The following CLEC16A variants were observed in gnomAD, a reference collection of about 807,000 sequenced individuals.
The protein encoded by CLEC16A is protein CLEC16A.
In CLEC16A, 51 loss-of-function variants were observed where a neutral mutation model predicts 109.5. The observed-to-expected ratio is 0.47, with a 90% CI of 0.37 to 0.59. CLEC16A has a LOEUF of 0.59. Ranked by LOEUF, CLEC16A falls within the 20% of genes least tolerant of loss-of-function variation. The pLI, the probability that CLEC16A is intolerant of heterozygous loss-of-function variation, is 0.00. For synonymous variants in CLEC16A, 673 were observed against 564.2 expected, an observed-to-expected ratio of 1.19 and a Z score of -2.73; for missense variants, 1,339 against 1,394.0, an observed-to-expected ratio of 0.96 and a Z score of 0.63.
chr16:11,033,840 G>C (rs375269033), intron 13 of CLEC16A, among the ~76,000 whole-genome samples: 2 of 152,254 alleles, frequency 1.3e-5, no homozygotes, highest in South Asian at 2.1e-4. Context: ...TTGTGATTCA[G>C]TTGGGCCACA....
intron 19 of CLEC16A, among the ~76,000 whole-genome samples, chr16:11,111,658 C>A (rs989504372): frequency 6.6e-6 from 1 of 152,196 alleles, no homozygotes; most frequent in Admixed American, 6.5e-5. Context: ...TGTGCTGTTA[C>A]ACCAAGGAGA....
At chr16:11,109,898 A>G (rs1178002463) in intron 19 of CLEC16A, among the ~76,000 whole-genome samples, 5 of 152,240 alleles carry the variant, frequency 3.3e-5, no homozygotes. Context: ...GTTGGATTTC[A>G]AAGCCTTGGA....
chr16:10,982,383 G>C (rs751670918), intron 9 of CLEC16A, among the ~76,000 whole-genome samples: 8 of 152,206 alleles, frequency 5.3e-5, no homozygotes, highest in South Asian at 2.1e-4. Context: ...CACAGGGTCA[G>C]AGCTCCCTCC....
At chr16:11,027,533 C>T in intron 13 of CLEC16A, 5 of 1,565,224 alleles carry the variant, frequency 3.2e-6, no homozygotes, top group Non-Finnish European at 3.5e-6. Context: ...TGACAGACAA[C>T]ACAGTGATTG....
At chr16:10,966,188 T>C (rs1163634735) in intron 3 of CLEC16A, among the ~76,000 whole-genome samples, 1 of 152,122 alleles carries the variant, frequency 6.6e-6, no homozygotes, top group Non-Finnish European at 1.5e-5. Flanking sequence ...AATGTACTAC[T>C]ATATAGCAAA....
intron 16 of CLEC16A, among the ~76,000 whole-genome samples, chr16:11,047,010 ATAG>A: frequency 6.7e-6 from 1 of 149,008 alleles, no homozygotes; most frequent in Non-Finnish European, 1.5e-5. Flanking sequence ...TTAATCCTAC[ATAG>A]TAGTTTTTTT....
rs1410025411 is a variant in CLEC16A, at chr16:11,003,433, C to A, written c.1303+128C>A. 2.5e-5 allele frequency: 18 copies of A among 711,946 alleles called. No homozygotes were observed. In the East Asian group the frequency reaches 4.9e-4, roughly 19 times the overall value. 44.1% of individuals were successfully genotyped at this position (711,946 alleles called of 1,614,324 possible). On this transcript the variant is annotated intron_variant, in intron 11 of 23. Transcript: ENST00000409790. Reference sequence around the variant, plus strand: ...TGTCCAGCCAGTGATTCGATTCCTACCTCACACTGGCGTACCTCATTCTAT... The same window carrying A: ...TGTCCAGCCAGTGATTCGATTCCTAACTCACACTGGCGTACCTCATTCTAT...
At chr16:11,069,893 G>T (rs1205217728) in intron 19 of CLEC16A, among the ~76,000 whole-genome samples, 1 of 152,192 alleles carries the variant, frequency 6.6e-6, no homozygotes, top group Non-Finnish European at 1.5e-5. Context: ...TGTGTGGTAG[G>T]ATGTGCATAG....
intron 6 of CLEC16A, among the ~76,000 whole-genome samples, 177 bp downstream of exon 6, chr16:10,972,736 T>G (rs2042853793): frequency 6.6e-6 from 1 of 152,170 alleles, no homozygotes; most frequent in Admixed American, 6.5e-5. Context: ...TAAAATATCA[T>G]AAGAACTGCC....
intron 11 of CLEC16A, among the ~76,000 whole-genome samples, chr16:11,012,067 A>G (rs2045454071): frequency 6.6e-6 from 1 of 152,304 alleles, no homozygotes; most frequent in East Asian, 1.9e-4. Flanking sequence ...TAGAGGATAT[A>G]TAGCTGAGCA....
intron 20 of CLEC16A, among the ~76,000 whole-genome samples, chr16:11,121,388 A>G (rs2052398873): frequency 6.6e-6 from 1 of 152,184 alleles, no homozygotes; most frequent in Non-Finnish European, 1.5e-5. Flanking sequence ...CTAGGCAGAT[A>G]CCAAGAAGCT....
chr16:11,094,311 C>A (rs1246698453), intron 19 of CLEC16A, among the ~76,000 whole-genome samples: 1 of 152,224 alleles, frequency 6.6e-6, no homozygotes. Flanking sequence ...CTCAGAAGCT[C>A]TGCGCCTGTC....
intron 8 of CLEC16A, among the ~76,000 whole-genome samples, chr16:10,978,707 T>G (rs1252642359): frequency 6.6e-6 from 1 of 152,208 alleles, no homozygotes; most frequent in African/African-American, 2.4e-5. Context: ...CGCCTTAGCT[T>G]TACCAGAGGC....
intron 22 of CLEC16A, among the ~76,000 whole-genome samples, chr16:11,144,844 A>G (rs74759189): frequency 1.0e-3 from 159 of 152,252 alleles, no homozygotes; most frequent in Middle Eastern, 3.4e-3. Context: ...GGAGAGGCCA[A>G]TTCCACAAAG....
At chr16:11,055,702 C>G (rs2048179647) in intron 18 of CLEC16A, among the ~76,000 whole-genome samples, 2 of 146,130 alleles carry the variant, frequency 1.4e-5, no homozygotes, top group Admixed American at 1.4e-4. Context: ...ATTCTCCTGC[C>G]TCAGCCTCTA....
chr16:11,080,943 G>A (rs1003822517), intron 19 of CLEC16A, among the ~76,000 whole-genome samples: 4 of 152,244 alleles, frequency 2.6e-5, no homozygotes. Flanking sequence ...CAGGTTCCAG[G>A]GATTAGGTCG....
intron 22 of CLEC16A, among the ~76,000 whole-genome samples, chr16:11,137,817 G>C (rs1423959068): frequency 2.0e-5 from 3 of 151,938 alleles, no homozygotes; most frequent in Non-Finnish European, 4.4e-5. Flanking sequence ...TCAAAAAAAA[G>C]GGAAATGCAA....
chr16:11,134,538 A>C (rs1227771527), intron 22 of CLEC16A, among the ~76,000 whole-genome samples: 2 of 152,168 alleles, frequency 1.3e-5, no homozygotes, highest in Non-Finnish European at 2.9e-5. Context: ...GCATTGGTGC[A>C]GGTTGAATAT....
chr16:11,178,314 G>A lies in CLEC16A; in HGVS notation c.2807-21G>A, dbSNP rs375303241. ...TGTCTCAAGGGCTCAGTGTGTTTCC[G>A]GTTTTTCTCCCCCAATCCAGATGCC... is the stretch of plus-strand genomic sequence containing the variant. On this transcript the variant is annotated intron_variant, in intron 23 of 23. Transcript: ENST00000409790. This position sits in a 1 kb window ranked among gnomAD's most constrained non-coding sequence, Gnocchi z 6.5. 14 of 1,585,866 alleles carry A rather than the reference G, an allele frequency of 8.8e-6. 1 individual carries two copies. In the South Asian group the frequency reaches 9.1e-5, roughly 10 times the overall value.
Sources: gnomAD v4.1 joint callset for allele counts (sites outside exome capture counted in the v4.1 genomes callset) on GRCh38, gnomAD v4.1.1 for gene constraint, Gnocchi (gnomAD v3.1) non-coding constraint, MANE v1.5 for transcripts, NCBI Gene and HGNC (gene_info 2026-07-23, HGNC 2026-07-21) for gene names.